MTMR14: variants seen among roughly 807,000 people sequenced by gnomAD.
MTMR14 encodes the protein myotubularin related protein 14, also known as phosphatidylinositol-3,5-bisphosphate 3-phosphatase MTMR14.
Under a neutral mutation model 86.3 loss-of-function variants are expected in MTMR14, and 48 were observed. The observed-to-expected ratio is 0.56, with a 90% CI of 0.44 to 0.71. The LOEUF is 0.71. MTMR14 is among the 30% of genes least tolerant of loss of function. The pLI is 0.00. For synonymous variants in MTMR14, 366 were observed against 326.1 expected (o/e 1.12, Z -1.32); for missense variants, 780 against 834.6 (o/e 0.93, Z 0.81).
intron 1 of MTMR14, chr3:9,650,610 A>C: frequency 3.7e-6 from 1 of 271,390 alleles, no homozygotes; most frequent in South Asian, 3.3e-5. Context: ...GGACTTCCTC[A>C]CTCTCCAAAT....
At position 9,701,613 on chromosome 3, in the gene MTMR14, A is replaced by G; in HGVS notation, c.1770-177A>G. Reference sequence around the variant, plus strand: ...AGGGCTTAGAGGAATGGTTTAAGGGAAAACAGGGCCAGATATTTGGGGCCT... The same window carrying G: ...AGGGCTTAGAGGAATGGTTTAAGGGGAAACAGGGCCAGATATTTGGGGCCT... On this transcript the variant is annotated intron_variant, in intron 18 of 18. Transcript: ENST00000296003. This position sits in a 1 kb window ranked among gnomAD's most constrained non-coding sequence, Gnocchi z 4.2. The G allele has an allele frequency of 1.3e-6, 1 of 752,218 alleles. No individual in the cohort carries two copies. The highest frequency in any genetic ancestry group is 2.3e-6 in the Non-Finnish European group (1 of 441,840). The allele number at this position is 752,218 out of a possible 1,614,324, so 46.6% of individuals were successfully genotyped here. A position where few individuals can be genotyped will look rare whatever the true frequency, so the allele number is the denominator to read the frequency against.
intron 9 of MTMR14, among the ~76,000 whole-genome samples, chr3:9,681,282 C>T (rs1310438838): frequency 1.3e-5 from 2 of 152,224 alleles, no homozygotes; most frequent in Non-Finnish European, 2.9e-5. Context: ...CCCCTTCTTT[C>T]TGTGTCCTAA....
chr3:9,667,202 A>C (rs2048302489), intron 3 of MTMR14, among the ~76,000 whole-genome samples: 1 of 152,222 alleles, frequency 6.6e-6, no homozygotes, highest in African/African-American at 2.4e-5. Context: ...AGCTTAGATG[A>C]AGCGGGGAGA....
chr3:9,701,809 C>A lies in MTMR14; in HGVS notation c.1789C>A (p.Arg597=). The part of the protein sequence containing the change: ...NSCLLAALSD[R]ETRLQEVRSA... Reference sequence around the variant, plus strand: ...CCATAGGCTTGCAGCCCTGAGTGATCGAGAGACTCGGCTGCAGGAGGTGCG... The same window carrying A: ...CCATAGGCTTGCAGCCCTGAGTGATAGAGAGACTCGGCTGCAGGAGGTGCG... Residue 597 remains arginine (R), a synonymous_variant, in exon 19 of 19, where the codon CGA becomes AGA. Transcript: ENST00000296003. The surrounding 1 kb of genome is among the most constrained non-coding windows in gnomAD (Gnocchi z 4.2). The A allele has an allele frequency of 6.2e-7, 1 of 1,613,838 alleles. No homozygotes were observed.
intron 9 of MTMR14, among the ~76,000 whole-genome samples, chr3:9,682,873 G>C (rs906780445): frequency 1.7e-4 from 26 of 152,050 alleles, no homozygotes; most frequent in African/African-American, 6.0e-4. Flanking sequence ...TGGGCAGGGG[G>C]CTCTGGGTCA....
chr3:9,685,393 C>A, intron 13 of MTMR14, 146 bp downstream of exon 13: 1 of 981,630 alleles, frequency 1.0e-6, no homozygotes, highest in Non-Finnish European at 1.6e-6. Context: ...CCTGAGGCAG[C>A]GTGGCAGGAC....
chr3:9,689,526 G>A (rs1157618174), intron 16 of MTMR14, among the ~76,000 whole-genome samples: 1 of 152,168 alleles, frequency 6.6e-6, no homozygotes. Context: ...TGGACAGATG[G>A]CTCAAGATGT....
intron 14 of MTMR14, 39 bp from the exon 15 acceptor site, chr3:9,688,657 G>A: frequency 1.2e-6 from 2 of 1,613,218 alleles, no homozygotes; most frequent in Non-Finnish European, 1.7e-6. Context: ...TAAGACCCCA[G>A]ATAGATCTGG....
At chr3:9,650,097 G>GTT (rs2047192085) in intron 1 of MTMR14, among the ~76,000 whole-genome samples, 1 of 152,086 alleles carries the variant, frequency 6.6e-6, no homozygotes, top group Admixed American at 6.5e-5. Context: ...CAGGGAAAAA[G>GTT]CCCCAAGAAA....
chr3:9,666,119 C>T (rs2048240685), intron 3 of MTMR14, among the ~76,000 whole-genome samples: 1 of 150,016 alleles, frequency 6.7e-6, no homozygotes. Flanking sequence ...CCTTAAAATG[C>T]CCAAAGTTTG....
chr3:9,654,598 C>T (rs2047487868), intron 2 of MTMR14, among the ~76,000 whole-genome samples: 1 of 152,210 alleles, frequency 6.6e-6, no homozygotes, highest in South Asian at 2.1e-4. Flanking sequence ...CTCCTAATCT[C>T]CCTACTTCCT....
At chr3:9,669,684 C>T (rs2048466047) in intron 5 of MTMR14, among the ~76,000 whole-genome samples, 192 bp downstream of exon 5, 1 of 152,190 alleles carries the variant, frequency 6.6e-6, no homozygotes, top group Non-Finnish European at 1.5e-5. Context: ...CAGCCAAATA[C>T]CTGAGCAGTC....
chr3:9,659,810 G>A lies in MTMR14; in HGVS notation c.309-2457G>A, dbSNP rs770876835. On this transcript the variant is annotated intron_variant, in intron 2 of 18. Transcript: ENST00000296003. ...CCACTGGCCGACCTAACAAGAAAAG[G>A]TGGGTCATTACATTAAAAGATCCTC... 3.1e-5 allele frequency: 14 copies of A among 456,770 alleles called. No homozygotes were observed. In the Admixed American group the frequency reaches 3.3e-4, roughly 11 times the overall value. 28.3% of individuals were successfully genotyped at this position (456,770 alleles called of 1,614,324 possible). A position where few individuals can be genotyped will look rare whatever the true frequency, so the allele number is the denominator to read the frequency against.
chr3:9,672,850 TG>T (rs1202033057), intron 7 of MTMR14, 92 bp downstream of exon 7: 1 of 1,186,544 alleles, frequency 8.4e-7, no homozygotes, highest in Non-Finnish European at 1.3e-6. Context: ...ACTGGCGCCC[TG>T]GGAGCTTTCC....
At chr3:9,686,208 A>G (rs2125288732) in intron 13 of MTMR14, among the ~76,000 whole-genome samples, 1 of 151,894 alleles carries the variant, frequency 6.6e-6, no homozygotes, top group South Asian at 2.1e-4. Flanking sequence ...CTCTAAGCCT[A>G]CTCCTCAGAG....
chr3:9,701,501 AAT>A lies in MTMR14; in HGVS notation c.1770-287_1770-286del. ...TGTGTCACTGCATTCCAGCCTGGGC[AAT>A]AGAGTGAGACCTTGTCTCAAGAAAA... On this transcript the variant is annotated intron_variant, in intron 18 of 18. Transcript: ENST00000296003. The surrounding 1 kb of genome is among the most constrained non-coding windows in gnomAD (Gnocchi z 4.2). 2.2e-6 allele frequency: 1 copy of A among 453,532 alleles called. No individual in the cohort carries two copies. The highest frequency in any genetic ancestry group is 4.1e-6 in the Non-Finnish European group (1 of 245,438). 28.1% of individuals were successfully genotyped at this position (453,532 alleles called of 1,614,324 possible).
chr3:9,655,490 G>GTGT (rs1553664492), intron 2 of MTMR14, among the ~76,000 whole-genome samples: 13 of 116,776 alleles, frequency 1.1e-4, no homozygotes, highest in African/African-American at 3.7e-4. Context: ...TTGAGACAGA[G>GTGT]TGCTCTGTCA....
chr3:9,689,785 C>T (rs962642116), intron 16 of MTMR14, among the ~76,000 whole-genome samples, 179 bp from the exon 17 acceptor site: 56 of 152,236 alleles, frequency 3.7e-4, no homozygotes, highest in Non-Finnish European at 3.1e-4. Context: ...GCCACAGGCC[C>T]TCCATAAAGA....
At chr3:9,688,506 G>A (rs1296780057) in intron 14 of MTMR14, among the ~76,000 whole-genome samples, 190 bp from the exon 15 acceptor site, 2 of 152,222 alleles carry the variant, frequency 1.3e-5, no homozygotes, top group Admixed American at 6.5e-5. Flanking sequence ...TCACCTGTGT[G>A]TTGGACAGAG....
Sources: gnomAD v4.1 joint callset for allele counts (sites outside exome capture counted in the v4.1 genomes callset) on GRCh38, gnomAD v4.1.1 for gene constraint, Gnocchi (gnomAD v3.1) non-coding constraint, MANE v1.5 for transcripts, NCBI Gene and HGNC (gene_info 2026-07-23, HGNC 2026-07-21) for gene names.